SNX29: variants seen among roughly 807,000 people sequenced by gnomAD.
SNX29 encodes sorting nexin-29.
In SNX29, 78 loss-of-function variants were observed where a neutral mutation model predicts 102.1. The ratio of observed to expected loss-of-function variants is 0.76; its 90% confidence interval spans 0.64 to 0.92. The LOEUF (loss-of-function observed/expected upper bound fraction) is 0.92. SNX29 is among the 40% of genes least tolerant of loss of function. The pLI, the probability that SNX29 is intolerant of heterozygous loss-of-function variation, is 0.00. For missense variants in SNX29, 1,280 were observed against 1,061.7 expected, an observed-to-expected ratio of 1.21 and a Z score of -2.86; for synonymous variants, 580 against 414.5, an observed-to-expected ratio of 1.40 and a Z score of -4.85.
chr16:12,528,219 A>G (rs1287597687), intron 20 of SNX29, among the ~76,000 whole-genome samples: 2 of 151,664 alleles, frequency 1.3e-5, no homozygotes, highest in East Asian at 3.9e-4. Context: ...CTTTATTTTG[A>G]GACAAGTTCT....
chr16:12,107,845 G>A (rs949544864), intron 11 of SNX29, among the ~76,000 whole-genome samples: 1 of 152,066 alleles, frequency 6.6e-6, no homozygotes, highest in Non-Finnish European at 1.5e-5. Flanking sequence ...TCTTCATTAG[G>A]AATGAAGAAA....
chr16:12,555,899 G>C (rs974648626), intron 20 of SNX29, among the ~76,000 whole-genome samples: 13 of 151,826 alleles, frequency 8.6e-5, no homozygotes, highest in Non-Finnish European at 7.4e-5. Context: ...CCTGTTCTTG[G>C]TCTCAAACCT....
chr16:12,018,642 C>T (rs2056921896), intron 3 of SNX29, among the ~76,000 whole-genome samples: 1 of 151,294 alleles, frequency 6.6e-6, no homozygotes. Context: ...TCAAGTTCCT[C>T]TCCTCTAGTT....
chr16:12,502,429 C>T (rs1483437372), intron 19 of SNX29, among the ~76,000 whole-genome samples: 1 of 152,060 alleles, frequency 6.6e-6, no homozygotes, highest in African/African-American at 2.4e-5. Context: ...GCTTCACAGC[C>T]GCCGGTGGTG....
At chr16:12,004,608 A>C (rs993541332) in intron 3 of SNX29, among the ~76,000 whole-genome samples, 1 of 152,136 alleles carries the variant, frequency 6.6e-6, no homozygotes, top group Non-Finnish European at 1.5e-5. Context: ...TGTTCATCTC[A>C]TCCTGGAAAC....
At chr16:12,028,851 C>T (rs1242344148) in intron 4 of SNX29, among the ~76,000 whole-genome samples, 2 of 151,848 alleles carry the variant, frequency 1.3e-5, no homozygotes, top group East Asian at 1.9e-4. Flanking sequence ...TGGGTTCAGG[C>T]GATTCTCCTG....
At chr16:12,521,890 C>T (rs1180618223) in intron 19 of SNX29, among the ~76,000 whole-genome samples, 1 of 152,220 alleles carries the variant, frequency 6.6e-6, no homozygotes, top group East Asian at 1.9e-4. Flanking sequence ...AGCCCGCCTC[C>T]TGCCAGGGTG....
intron 13 of SNX29, among the ~76,000 whole-genome samples, chr16:12,196,663 G>A (rs951198410): frequency 7.2e-6 from 1 of 139,232 alleles, no homozygotes; most frequent in Non-Finnish European, 1.5e-5. Flanking sequence ...ACTCTGTTGC[G>A]AGGCTGGAGT....
At chr16:12,033,176 A>C (rs1328841613) in intron 4 of SNX29, among the ~76,000 whole-genome samples, 1 of 151,668 alleles carries the variant, frequency 6.6e-6, no homozygotes, top group Non-Finnish European at 1.5e-5. Context: ...TTTAAATTAG[A>C]GAAAAGGTAT....
At chr16:11,999,423 A>G (rs1038825909) in intron 2 of SNX29, 65 bp downstream of exon 2, 1 of 1,517,920 alleles carries the variant, frequency 6.6e-7, no homozygotes, top group Admixed American at 1.7e-5. Context: ...AATGTAGGTC[A>G]TTTCTTCCCT....
chr16:12,219,181 A>G (rs7200025), intron 14 of SNX29, among the ~76,000 whole-genome samples: 11,153 of 151,980 alleles, frequency 0.073, 1,403 homozygotes, highest in African/African-American at 0.25. Context: ...GCTGATTCAA[A>G]GCGTGGGTGC....
intron 16 of SNX29, among the ~76,000 whole-genome samples, chr16:12,372,362 A>C (rs1405453598): frequency 6.6e-6 from 1 of 152,132 alleles, no homozygotes; most frequent in African/African-American, 2.4e-5. Context: ...GTACGTTTCT[A>C]ATGTTCTTTA....
intron 19 of SNX29, among the ~76,000 whole-genome samples, chr16:12,522,482 C>G (rs2090137815): frequency 6.6e-6 from 1 of 152,058 alleles, no homozygotes; most frequent in African/African-American, 2.4e-5. Flanking sequence ...TGTTCCTACC[C>G]AAATCTCCTG....
In SNX29 at chr16:12,524,755, C is replaced by T. The variant is rs772444370; in HGVS notation, c.2232C>T (p.Ser744=). 3.3e-5 allele frequency: 54 copies of T among 1,613,728 alleles called. No homozygotes were observed. The highest frequency in any genetic ancestry group is 1.6e-4 in the Middle Eastern group (1 of 6,062). Residue 744 remains serine, a synonymous_variant, in exon 20 of 21, where the codon AGC becomes AGT. Coordinates refer to ENST00000566228, the MANE Select transcript of SNX29 (RefSeq NM_032167.5). Reference sequence around the variant, plus strand: ...AGCAGCTCCAGAATTACCTGCGCAGCGTCATGAACAAAGTCATCCAGATGG... The same window carrying T: ...AGCAGCTCCAGAATTACCTGCGCAGTGTCATGAACAAAGTCATCCAGATGG... ...RRKQLQNYLR[S]VMNKVIQMVP...
At chr16:12,053,501 C>G (rs1192981073) in intron 8 of SNX29, among the ~76,000 whole-genome samples, 1 of 151,892 alleles carries the variant, frequency 6.6e-6, no homozygotes, top group African/African-American at 2.4e-5. Flanking sequence ...TTGATACCAG[C>G]CTGGGCAACA....
chr16:12,428,698 G>A (rs7195917), intron 18 of SNX29, among the ~76,000 whole-genome samples: 1,686 of 152,048 alleles, frequency 0.011, 36 homozygotes, highest in African/African-American at 0.038. Context: ...ACACAGATAC[G>A]ATTGCAATTA....
intron 1 of SNX29, among the ~76,000 whole-genome samples, chr16:11,986,945 G>A (rs1391547420): frequency 6.6e-6 from 1 of 152,214 alleles, no homozygotes; most frequent in African/African-American, 2.4e-5. Flanking sequence ...CTAGGACACT[G>A]CAATACAAAT....
At chr16:12,058,818 T>G (rs60652104) in intron 8 of SNX29, among the ~76,000 whole-genome samples, 6 of 143,246 alleles carry the variant, frequency 4.2e-5, no homozygotes, top group African/African-American at 8.0e-5. Context: ...TTTTTTTTTT[T>G]TTTTTTCTCT....
intron 13 of SNX29, among the ~76,000 whole-genome samples, chr16:12,161,209 C>A (rs1449662768): frequency 1.3e-5 from 2 of 152,234 alleles, no homozygotes; most frequent in African/African-American, 4.8e-5. Context: ...ACCTTTCTGA[C>A]CTTTGGATAG....
Sources: allele counts gnomAD v4.1 joint callset (sites outside exome capture counted in the v4.1 genomes callset), GRCh38; gene constraint gnomAD v4.1.1; transcripts MANE v1.5; gene names NCBI Gene and HGNC (gene_info 2026-07-23, HGNC 2026-07-21).